The following KDM4A variants were observed in gnomAD, a reference collection of about 807,000 sequenced individuals.
The protein encoded by KDM4A is lysine demethylase 4A.
Under a neutral mutation model 127.1 loss-of-function variants are expected in KDM4A, and 23 were observed. That is an observed-to-expected ratio of 0.18 (90% CI 0.13 to 0.26). The LOEUF (loss-of-function observed/expected upper bound fraction) is 0.26. KDM4A is among the 10% of genes least tolerant of loss of function. The pLI is 1.00. For missense variants in KDM4A, 890 were observed against 1,329.1 expected, an observed-to-expected ratio of 0.67 and a Z score of 5.14; for synonymous variants, 443 against 466.5, an observed-to-expected ratio of 0.95 and a Z score of 0.65.
In KDM4A at chr1:43,693,332, A is replaced by G. The variant is rs376233775; in HGVS notation, c.2376-662A>G. ...ATGGAGCCCCAGTGTTGTCTGGTGT[A>G]GGTTTTCACGTAGCATGGTTTTAAG... On this transcript the variant is annotated intron_variant, in intron 16 of 21. Transcript: ENST00000372396. This position sits in a 1 kb window ranked among gnomAD's most constrained non-coding sequence, Gnocchi z 4.2. 2.6e-5 allele frequency among the ~76,000 whole-genome samples: 4 copies of G among 152,338 alleles called. No homozygotes were observed. Among genetic ancestry groups the G allele is most frequent in the East Asian group, 1.9e-4 (1 of 5,184 alleles).
Position 43,680,107 on chromosome 1 carries a change from G to A in KDM4A, c.1735-3577G>A, listed in dbSNP as rs140237977. ...GAAGGCAGCACCATGAGAAGGGTGC[G>A]GATGCCATGGTAGCAGGAGGAGTAC... On this transcript the variant is annotated intron_variant, in intron 11 of 21. Coordinates refer to ENST00000372396, the MANE Select transcript of KDM4A (RefSeq NM_014663.3). Among the ~76,000 whole-genome samples the A allele has an allele frequency of 7.4e-3, 1,126 of 152,272 alleles. 8 individuals carry two copies. The highest frequency in any genetic ancestry group is 9.0e-3 in the Non-Finnish European group (610 of 68,022).
At chr1:43,658,738 T>C (rs796733) in intron 3 of KDM4A, among the ~76,000 whole-genome samples, 77,873 of 151,320 alleles carry the variant, frequency 0.51, 22,395 homozygotes, top group African/African-American at 0.8. Context: ...CTCCTGACCT[T>C]GTGATCCGCC....
chr1:43,657,900 G>A (rs1450951773), intron 3 of KDM4A, among the ~76,000 whole-genome samples: 6 of 150,270 alleles, frequency 4.0e-5, no homozygotes, highest in Admixed American at 1.3e-4. Context: ...CCGCCACCAC[G>A]CCCGGCCAAT....
chr1:43,698,088 G>A, intron 19 of KDM4A, 75 bp downstream of exon 19: 10 of 1,404,144 alleles, frequency 7.1e-6, no homozygotes, highest in South Asian at 1.2e-5. Flanking sequence ...CAGACTGTGT[G>A]TGTATGCCTG....
chr1:43,653,069 A>T, intron 1 of KDM4A, 68 bp from the exon 2 acceptor site: 1 of 756,902 alleles, frequency 1.3e-6, no homozygotes, highest in Non-Finnish European at 2.0e-6. Context: ...TACTGTTTTC[A>T]GAGTTGATGT....
chr1:43,703,679 A>C lies in KDM4A; in HGVS notation c.2904A>C (p.Thr968=). Reference sequence around the variant, plus strand: ...GGGAAGTGGTCCAAGTGAGATGGACAGACGGCCAAGTCTATGGAGCCAAGT... The same window carrying C: ...GGGAAGTGGTCCAAGTGAGATGGACCGACGGCCAAGTCTATGGAGCCAAGT... ...AEGEVVQVRW[T]DGQVYGAKFV... The change falls in exon 20 of 22, where the codon ACA becomes ACC. Residue 968 remains threonine (T), a synonymous_variant. Coordinates refer to ENST00000372396, the MANE Select transcript of KDM4A (RefSeq NM_014663.3). The C allele has an allele frequency of 6.2e-7, 1 of 1,614,142 alleles. No homozygotes were observed. Among genetic ancestry groups the C allele is most frequent in the Non-Finnish European group, 8.5e-7 (1 of 1,179,996 alleles).
chr1:43,657,242 C>A (rs981479263), intron 3 of KDM4A, among the ~76,000 whole-genome samples: 1 of 151,674 alleles, frequency 6.6e-6, no homozygotes, highest in South Asian at 2.1e-4. Context: ...CTCGCTCTGT[C>A]GCCAGGCTAG....
chr1:43,673,378 G>A (rs186172692), intron 11 of KDM4A, among the ~76,000 whole-genome samples: 4 of 152,224 alleles, frequency 2.6e-5, no homozygotes, highest in Non-Finnish European at 4.4e-5. Context: ...ACGAGCCCCC[G>A]CGTGTACTCA....
At position 43,669,087 on chromosome 1, in the gene KDM4A, C is replaced by T; in HGVS notation, c.1164-13C>T. 6.2e-7 allele frequency: 1 copy of T among 1,614,104 alleles called. No individual in the cohort carries two copies. The highest frequency in any genetic ancestry group is 1.1e-5 in the South Asian group (1 of 91,064). ...TATGTGGGCTCTTAAAAGATTTGCC[C>T]TCTCCCTTGCAGCCTGGCCAAGCAC... On this transcript the variant is annotated splice_polypyrimidine_tract_variant and intron_variant, in intron 9 of 21. Coordinates refer to ENST00000372396, the MANE Select transcript of KDM4A (RefSeq NM_014663.3).
At chr1:43,680,499 AAC>A (rs1660832934) in intron 11 of KDM4A, among the ~76,000 whole-genome samples, 2 of 152,182 alleles carry the variant, frequency 1.3e-5, no homozygotes. Flanking sequence ...AGGTACCACA[AAC>A]ACAGAGGCTG....
chr1:43,699,779 G>C (rs1448293177), intron 19 of KDM4A: 1 of 151,096 alleles, frequency 6.6e-6, no homozygotes, highest in Non-Finnish European at 1.5e-5. Flanking sequence ...TGGAGTACGG[G>C]AGTACGGTGG....
intron 11 of KDM4A, among the ~76,000 whole-genome samples, chr1:43,679,058 C>CTAGAGTAGTCAGATAACTACCTCTGCT (rs1553232808): frequency 1.3e-5 from 2 of 152,122 alleles, no homozygotes; most frequent in Admixed American, 6.6e-5. Flanking sequence ...TGAGGGTCGC[C>CTAGAGTAGTCAGATAACTACCTCTGCT]TAGAGTAGTC....
At chr1:43,657,279 T>G (rs539617996) in intron 3 of KDM4A, among the ~76,000 whole-genome samples, 55 of 152,130 alleles carry the variant, frequency 3.6e-4, no homozygotes, top group Non-Finnish European at 3.4e-4. Flanking sequence ...CTCGGCTCAC[T>G]GCAGCCTCCG....
Position 43,704,380 on chromosome 1 carries a change from G to GCTGA in KDM4A, c.*10_*11insCTGA. ...GGCCATCATGGAGTAGGTGCTTCCAGGGTCCAAGGGATTCTCAGCCATCCA... is the reference window on the plus strand; with the variant it reads ...GGCCATCATGGAGTAGGTGCTTCCAGCTGAGGTCCAAGGGATTCTCAGCCATCCA... On this transcript the variant is annotated 3_prime_UTR_variant, in exon 22 of 22. Transcript: ENST00000372396. 6.2e-7 allele frequency: 1 copy of GCTGA among 1,609,776 alleles called. No homozygotes were observed. The highest frequency in any genetic ancestry group is 8.5e-7 in the Non-Finnish European group (1 of 1,178,390).
intron 3 of KDM4A, 126 bp downstream of exon 3, chr1:43,655,892 G>A (rs552922500): frequency 1.5e-6 from 1 of 665,212 alleles, no homozygotes; most frequent in African/African-American, 1.8e-5. Context: ...TGTTCTAGCT[G>A]TCTCCCTTTC....
chr1:43,696,862 A>G (rs1038741877), intron 18 of KDM4A, among the ~76,000 whole-genome samples: 2 of 152,212 alleles, frequency 1.3e-5, no homozygotes, highest in African/African-American at 4.8e-5. Flanking sequence ...TTGAGCATTT[A>G]CTATATGCCA....
chr1:43,680,276 A>G (rs1368197560), intron 11 of KDM4A, among the ~76,000 whole-genome samples: 3 of 152,174 alleles, frequency 2.0e-5, no homozygotes, highest in African/African-American at 7.2e-5. Context: ...GTTAGAGATC[A>G]CGTCTTGTTT....
In KDM4A at chr1:43,662,976, T is replaced by G. The variant is rs750959023; in HGVS notation, c.512T>G (p.Val171Gly). 1 of 1,614,176 alleles carries G rather than the reference T, an allele frequency of 6.2e-7. No homozygotes were observed. The highest frequency in any genetic ancestry group is 8.5e-7 in the Non-Finnish European group (1 of 1,180,018). ...EKESGITIEG[V>G]NTPYLYFGMW... is the part of the protein sequence containing the mutation. ...GAGAGTGGGATCACCATTGAGGGTG[T>G]GAACACCCCATACCTGTACTTTGGC... The change falls in exon 5 of 22, where the codon GTG becomes GGG. Residue 171 changes from valine to glycine, a missense_variant. Transcript: ENST00000372396.
chr1:43,697,838 T>A lies in KDM4A; in HGVS notation c.2671-5T>A. On this transcript the variant is annotated splice_polypyrimidine_tract_variant and splice_region_variant and intron_variant, in intron 18 of 21. Coordinates refer to ENST00000372396, the MANE Select transcript of KDM4A (RefSeq NM_014663.3). The stretch of plus-strand genomic sequence containing the variant: ...TGAGTAACCAAAGCCTCTGTTTTTT[T>A]CCAGCGTGCCAAGGGGGCCTTGCAA... The A allele has an allele frequency of 6.2e-7, 1 of 1,610,678 alleles. No individual in the cohort carries two copies. Among genetic ancestry groups the A allele is most frequent in the South Asian group, 1.1e-5 (1 of 90,966 alleles).
Sources: allele counts gnomAD v4.1 joint callset (sites outside exome capture counted in the v4.1 genomes callset), GRCh38; gene constraint gnomAD v4.1.1; non-coding constraint Gnocchi (gnomAD v3.1); transcripts MANE v1.5; gene names NCBI Gene and HGNC (gene_info 2026-07-23, HGNC 2026-07-21).